The following NIPBL variants were observed in gnomAD, a reference collection of about 807,000 sequenced individuals.
The protein encoded by NIPBL is nipped-B-like protein.
Under a neutral mutation model 321.8 loss-of-function variants are expected in NIPBL, and 19 were observed. That is an observed-to-expected ratio of 0.06 (90% CI 0.04 to 0.09). NIPBL has a LOEUF of 0.09. Ranked by LOEUF, NIPBL falls within the 10% of genes least tolerant of loss-of-function variation. NIPBL has a pLI of 1.00. For missense variants in NIPBL, 2,210 were observed against 3,327.0 expected, an observed-to-expected ratio of 0.66 and a Z score of 8.26; for synonymous variants, 1,106 against 1,114.1, an observed-to-expected ratio of 0.99 and a Z score of 0.14.
chr5:37,048,801 T>TA (rs1397393910), intron 39 of NIPBL, 126 bp downstream of exon 39: 2 of 797,726 alleles, frequency 2.5e-6, no homozygotes, highest in African/African-American at 3.5e-5. Flanking sequence ...TAGCAGTCCT[T>TA]ATGCTGAGGT....
Position 36,986,273 on chromosome 5 carries a change from C to A in NIPBL, c.3093C>A (p.Ile1031=). 6.5e-7 allele frequency: 1 copy of A among 1,527,364 alleles called. No homozygotes were observed. The highest frequency in any genetic ancestry group is 1.3e-5 in the South Asian group (1 of 75,046). The allele number at this position is 1,527,364 out of a possible 1,614,324, so 94.6% of individuals were successfully genotyped here. ...AATCAAGAAGTTCCCTTAAACCTAT[C>A]AAGAATAAACCATCAAAGTCAAATA... ...EDKSRSSLKP[I]KNKPSKSNKG... The change falls in exon 10 of 47, where the codon ATC becomes ATA. Residue 1031 remains isoleucine (I), a synonymous_variant. Coordinates refer to ENST00000282516, the MANE Select transcript of NIPBL (RefSeq NM_133433.4).
chr5:36,924,051 C>T (rs916313096), intron 1 of NIPBL, among the ~76,000 whole-genome samples: 3 of 152,128 alleles, frequency 2.0e-5, no homozygotes, highest in Admixed American at 6.5e-5. Flanking sequence ...TTATTATTAT[C>T]TTTAGGATTT....
At chr5:36,921,884 TTTTTTTTG>T (rs1041652434) in intron 1 of NIPBL, among the ~76,000 whole-genome samples, 1 of 143,246 alleles carries the variant, frequency 7.0e-6, no homozygotes, top group African/African-American at 2.7e-5. Flanking sequence ...TGGTTTTGGG[TTTTTTTTG>T]TTTTTTTTTT....
chr5:36,998,752 A>G (rs886849716), intron 11 of NIPBL, among the ~76,000 whole-genome samples: 2 of 152,188 alleles, frequency 1.3e-5, no homozygotes, highest in African/African-American at 2.4e-5. Context: ...AAGGAATTAT[A>G]TATAGAAATG....
chr5:37,001,234 T>TAGA (rs1229698942), intron 14 of NIPBL, among the ~76,000 whole-genome samples, 156 bp downstream of exon 14: 3 of 152,180 alleles, frequency 2.0e-5, no homozygotes, highest in Non-Finnish European at 2.9e-5. Context: ...CTTTCTAGTC[T>TAGA]GTTATTTGAC....
chr5:37,009,850 A>G (rs1747899692), intron 20 of NIPBL, among the ~76,000 whole-genome samples: 2 of 152,228 alleles, frequency 1.3e-5, no homozygotes, highest in Admixed American at 1.3e-4. Flanking sequence ...AAAGCATACA[A>G]ATTTGTATTA....
intron 1 of NIPBL, among the ~76,000 whole-genome samples, chr5:36,946,259 A>C (rs1007823605): frequency 6.6e-6 from 1 of 151,590 alleles, no homozygotes; most frequent in Non-Finnish European, 1.5e-5. Flanking sequence ...TAACAGATTT[A>C]CCCTTAGTTT....
Position 37,006,425 on chromosome 5 carries a change from G to A in NIPBL, c.3924G>A (p.Ala1308=), listed in dbSNP as rs367925827. Residue 1308 remains alanine, a synonymous_variant, in exon 17 of 47, where the codon GCG becomes GCA. Transcript: ENST00000282516. The part of the protein sequence containing the change: ...DLIMERVTKS[A]DACLTTINIM... ...TTATGGAGAGAGTTACAAAATCAGC[G>A]GATGCTTGTCTTACAACTATCAACA... The A allele has an allele frequency of 3.0e-5, 49 of 1,612,484 alleles. No homozygotes were observed. Among genetic ancestry groups the A allele is most frequent in the African/African-American group, 6.7e-5 (5 of 74,844 alleles).
At chr5:37,061,101 A>T in intron 45 of NIPBL, 83 bp downstream of exon 45, 1 of 958,546 alleles carries the variant, frequency 1.0e-6, no homozygotes, top group South Asian at 1.3e-5. Context: ...GGAGATAACT[A>T]TCTCCTTCAC....
At chr5:37,006,770 A>G (rs1747482656) in intron 17 of NIPBL, among the ~76,000 whole-genome samples, 182 bp downstream of exon 17, 1 of 152,016 alleles carries the variant, frequency 6.6e-6, no homozygotes, top group Non-Finnish European at 1.5e-5. Flanking sequence ...ACATTTATAT[A>G]TAATAGAAGT....
rs751916068 is a variant in NIPBL, at chr5:37,061,066, A to G, written c.7860+48A>G. ...TTTACTTCTCATAAGGGCTTTTTTGACAAGTAAATGTGGGGGGCCGGTGGG... is the reference window on the plus strand; with the variant it reads ...TTTACTTCTCATAAGGGCTTTTTTGGCAAGTAAATGTGGGGGGCCGGTGGG... On this transcript the variant is annotated intron_variant, in intron 45 of 46. Coordinates refer to ENST00000282516, the MANE Select transcript of NIPBL (RefSeq NM_133433.4). 8 of 1,468,302 alleles carry G rather than the reference A, an allele frequency of 5.4e-6. No individual in the cohort carries two copies. In the African/African-American group the frequency reaches 1.1e-4, roughly 20 times the overall value. 91.0% of individuals were successfully genotyped at this position (1,468,302 alleles called of 1,614,324 possible). A position where few individuals can be genotyped will look rare whatever the true frequency, so the allele number is the denominator to read the frequency against.
chr5:37,061,968 C>A (rs1291100210), intron 45 of NIPBL, among the ~76,000 whole-genome samples: 3 of 152,052 alleles, frequency 2.0e-5, no homozygotes, highest in Non-Finnish European at 4.4e-5. Context: ...CAGCCTCCCG[C>A]ATAGCTGGGA....
intron 10 of NIPBL, among the ~76,000 whole-genome samples, chr5:36,991,956 C>A (rs982378583): frequency 1.3e-5 from 2 of 151,890 alleles, no homozygotes; most frequent in Non-Finnish European, 2.9e-5. Flanking sequence ...ATCAATGATT[C>A]TTTTAAGTTT....
chr5:37,010,295 T>A, intron 21 of NIPBL, 70 bp downstream of exon 21: 1 of 1,283,754 alleles, frequency 7.8e-7, no homozygotes. Flanking sequence ...TCTGTCATTC[T>A]TATAAAACTG....
chr5:37,028,278 C>T (rs1447752910), intron 32 of NIPBL, among the ~76,000 whole-genome samples: 1 of 151,260 alleles, frequency 6.6e-6, no homozygotes, highest in Non-Finnish European at 1.5e-5. Context: ...TATAGCTATC[C>T]TTCCCCTATC....
chr5:37,001,520 C>G (rs1746800127), intron 14 of NIPBL, among the ~76,000 whole-genome samples: 1 of 152,012 alleles, frequency 6.6e-6, no homozygotes, highest in African/African-American at 2.4e-5. Flanking sequence ...TGAAAAGGCC[C>G]TGTATAATGA....
intron 34 of NIPBL, 118 bp from the exon 35 acceptor site, chr5:37,044,229 T>C: frequency 1.1e-6 from 1 of 917,892 alleles, no homozygotes. Flanking sequence ...ACAGACTTTT[T>C]TTTTTAACTG....
chr5:37,020,108 A>G (rs1053302678), intron 25 of NIPBL, among the ~76,000 whole-genome samples: 1 of 152,192 alleles, frequency 6.6e-6, no homozygotes, highest in Non-Finnish European at 1.5e-5. Context: ...TCAGCATTTT[A>G]TCAATTTGTT....
chr5:37,044,218 A>C (rs1205444049), intron 34 of NIPBL, 129 bp from the exon 35 acceptor site: 27 of 837,746 alleles, frequency 3.2e-5, no homozygotes, highest in Non-Finnish European at 4.8e-5. Flanking sequence ...AAAAAACTCT[A>C]ACAGACTTTT....
Sources: allele counts gnomAD v4.1 joint callset (sites outside exome capture counted in the v4.1 genomes callset), GRCh38; gene constraint gnomAD v4.1.1; transcripts MANE v1.5; gene names NCBI Gene and HGNC (gene_info 2026-07-23, HGNC 2026-07-21).